PPP2R2B: variants seen among roughly 807,000 people sequenced by gnomAD.
PPP2R2B encodes the protein protein phosphatase 2 regulatory subunit Bbeta.
PPP2R2B carries 5 observed loss-of-function variants against 46.0 expected under a neutral mutation model. That is an observed-to-expected ratio of 0.11 (90% CI 0.06 to 0.23). The LOEUF (loss-of-function observed/expected upper bound fraction) is 0.23. Among genes scored for constraint, PPP2R2B ranks in the 10% least tolerant of loss-of-function variants. The pLI, the probability that PPP2R2B is intolerant of heterozygous loss-of-function variation, is 1.00. For synonymous variants in PPP2R2B, 215 were observed against 206.7 expected (o/e 1.04, Z -0.34); for missense variants, 367 against 575.0 (o/e 0.64, Z 3.70).
At chr5:147,029,130 G>GTTTTTAAAGTTA (rs1231643167) in intron 1 of PPP2R2B, among the ~76,000 whole-genome samples, 1 of 151,740 alleles carries the variant, frequency 6.6e-6, no homozygotes, top group African/African-American at 2.4e-5. Flanking sequence ...TTTTTTTGAT[G>GTTTTTAAAGTTA]AATAGAAAAA....
chr5:146,911,741 T>C (rs1190311469), intron 1 of PPP2R2B, among the ~76,000 whole-genome samples: 1 of 152,242 alleles, frequency 6.6e-6, no homozygotes, highest in Non-Finnish European at 1.5e-5. Flanking sequence ...GGTCCAATTT[T>C]ATTTCATAAG....
chr5:146,897,264 G>T (rs1316952845), intron 1 of PPP2R2B, among the ~76,000 whole-genome samples: 1 of 152,192 alleles, frequency 6.6e-6, no homozygotes, highest in African/African-American at 2.4e-5. Context: ...GATGTGGGAT[G>T]AAGGGTGAAA....
intron 1 of PPP2R2B, among the ~76,000 whole-genome samples, chr5:146,886,845 A>G (rs1453073602): frequency 6.6e-6 from 1 of 151,954 alleles, no homozygotes; most frequent in Non-Finnish European, 1.5e-5. Context: ...AAAAATAAGT[A>G]TTTTTAATGC....
chr5:146,770,407 T>C (rs1754777981), intron 2 of PPP2R2B, among the ~76,000 whole-genome samples: 1 of 149,910 alleles, frequency 6.7e-6, no homozygotes, highest in Non-Finnish European at 1.5e-5. Flanking sequence ...ACTAAAAAAT[T>C]ATTGCAATTA....
chr5:146,843,325 T>C (rs1759784089), intron 2 of PPP2R2B, among the ~76,000 whole-genome samples: 1 of 152,220 alleles, frequency 6.6e-6, no homozygotes, highest in Admixed American at 6.5e-5. Flanking sequence ...CAAGGTGAAG[T>C]ACATAAATCC....
At chr5:146,920,412 C>T (rs1026568688) in intron 1 of PPP2R2B, among the ~76,000 whole-genome samples, 9 of 152,218 alleles carry the variant, frequency 5.9e-5, no homozygotes, top group South Asian at 2.1e-4. Flanking sequence ...AACCATGGGC[C>T]GTGCAGGCAG....
intron 2 of PPP2R2B, among the ~76,000 whole-genome samples, chr5:146,871,806 G>A (rs929117882): frequency 1.3e-5 from 2 of 152,194 alleles, no homozygotes; most frequent in African/African-American, 4.8e-5. Flanking sequence ...CCACTTACAA[G>A]TGAGTATGTT....
At chr5:146,689,035 TA>T (rs1293615550) in intron 5 of PPP2R2B, among the ~76,000 whole-genome samples, 1 of 152,042 alleles carries the variant, frequency 6.6e-6, no homozygotes, top group African/African-American at 2.4e-5. Context: ...TACAACAGTA[TA>T]AAAAGTATAA....
chr5:146,960,711 T>C (rs542102934), intron 1 of PPP2R2B, among the ~76,000 whole-genome samples: 3 of 152,350 alleles, frequency 2.0e-5, no homozygotes, highest in African/African-American at 7.2e-5. Flanking sequence ...TTAATGTGTC[T>C]TTCAGGCAGG....
chr5:146,871,225 C>T (rs1270630408), intron 2 of PPP2R2B, among the ~76,000 whole-genome samples: 1 of 152,210 alleles, frequency 6.6e-6, no homozygotes, highest in Non-Finnish European at 1.5e-5. Context: ...AAAGTGAAGC[C>T]TCAGACATCT....
At chr5:146,673,984 A>T (rs1384870204) in intron 5 of PPP2R2B, among the ~76,000 whole-genome samples, 1 of 152,202 alleles carries the variant, frequency 6.6e-6, no homozygotes, top group Non-Finnish European at 1.5e-5. Flanking sequence ...GTCTTAGGCA[A>T]ATAAACTCTG....
chr5:147,059,292 T>C (rs908236536), upstream of PPP2R2B, among the ~76,000 whole-genome samples: 1 of 152,164 alleles, frequency 6.6e-6, no homozygotes, highest in East Asian at 1.9e-4. Context: ...ATGTTACAGA[T>C]CCATGCTTTT....
chr5:146,649,561 C>T (rs977788212), intron 6 of PPP2R2B, among the ~76,000 whole-genome samples: 1 of 152,120 alleles, frequency 6.6e-6, no homozygotes, highest in African/African-American at 2.4e-5. Flanking sequence ...TCTCCTGCCT[C>T]AGCCTCCCAA....
At position 146,600,402 on chromosome 5, in the gene PPP2R2B, C is replaced by T. The variant is rs748939898; in HGVS notation, c.849G>A (p.Ser283=). The T allele has an allele frequency of 1.2e-5, 19 of 1,613,760 alleles. No individual in the cohort carries two copies. The highest frequency in any genetic ancestry group is 1.1e-4 in the East Asian group (5 of 44,882). Reference sequence around the variant, plus strand: ...TGTGGCTGAACTTCACATCCGAAATCGAAGAGATAATTTCAGAGAAAAATG... The same window carrying T: ...TGTGGCTGAACTTCACATCCGAAATTGAAGAGATAATTTCAGAGAAAAATG... ...NRSFFSEIIS[S]ISDVKFSHSG... Residue 283 remains serine, a synonymous_variant, in exon 8 of 10, where the codon TCG becomes TCA. Coordinates refer to ENST00000394411, the MANE Select transcript of PPP2R2B (RefSeq NM_181675.4).
intron 2 of PPP2R2B, among the ~76,000 whole-genome samples, chr5:146,770,198 G>A (rs1031821283): frequency 6.6e-6 from 1 of 151,714 alleles, no homozygotes; most frequent in African/African-American, 2.4e-5. Flanking sequence ...ACTTGGTAGT[G>A]CACACCTGTA....
At chr5:147,002,455 A>C (rs1754221780) in intron 1 of PPP2R2B, among the ~76,000 whole-genome samples, 1 of 152,152 alleles carries the variant, frequency 6.6e-6, no homozygotes, top group African/African-American at 2.4e-5. Flanking sequence ...TTGGGGCATA[A>C]CATCTTTATA....
chr5:146,899,846 T>G (rs563689997), intron 1 of PPP2R2B, among the ~76,000 whole-genome samples: 1 of 152,288 alleles, frequency 6.6e-6, no homozygotes, highest in African/African-American at 2.4e-5. Flanking sequence ...ATACCCATAT[T>G]GGTTATTTTA....
intron 1 of PPP2R2B, among the ~76,000 whole-genome samples, chr5:146,913,728 A>G (rs1482327361): frequency 6.6e-6 from 1 of 152,158 alleles, no homozygotes; most frequent in Non-Finnish European, 1.5e-5. Context: ...AATACCATAA[A>G]TATACATTGA....
intron 1 of PPP2R2B, among the ~76,000 whole-genome samples, chr5:146,936,193 G>C (rs1764133412): frequency 6.6e-6 from 1 of 152,082 alleles, no homozygotes; most frequent in Non-Finnish European, 1.5e-5. Flanking sequence ...ATGTGTCTCA[G>C]TATCTTATCT....
Sources: gnomAD v4.1 joint callset for allele counts (sites outside exome capture counted in the v4.1 genomes callset) on GRCh38, gnomAD v4.1.1 for gene constraint, MANE v1.5 for transcripts, NCBI Gene and HGNC (gene_info 2026-07-23, HGNC 2026-07-21) for gene names.